The following ROBO1 variants were observed in gnomAD, a reference collection of about 807,000 sequenced individuals.
ROBO1 encodes roundabout homolog 1.
A neutral mutation model predicts 195.9 loss-of-function variants in ROBO1; 149 were observed. That is an observed-to-expected ratio of 0.76 (90% CI 0.67 to 0.87). The LOEUF is 0.87. Among genes scored for constraint, ROBO1 ranks in the 40% least tolerant of loss-of-function variants. The pLI is 0.00. For synonymous variants in ROBO1, 816 were observed against 733.2 expected (o/e 1.11, Z -1.82); for missense variants, 1,933 against 2,068.3 (o/e 0.93, Z 1.27).
At chr3:79,393,491 A>G (rs947832003) in intron 2 of ROBO1, among the ~76,000 whole-genome samples, 10 of 152,202 alleles carry the variant, frequency 6.6e-5, no homozygotes, top group African/African-American at 2.4e-4. Context: ...GATCTTGGAA[A>G]AGTTGTTCAA....
chr3:79,082,913 G>A (rs2079300991), intron 3 of ROBO1, among the ~76,000 whole-genome samples: 1 of 152,170 alleles, frequency 6.6e-6, no homozygotes, highest in Admixed American at 6.5e-5. Context: ...GAACGAAACT[G>A]TCCTTATCTC....
chr3:78,708,941 T>C (rs760834697), intron 8 of ROBO1, among the ~76,000 whole-genome samples: 49 of 152,064 alleles, frequency 3.2e-4, no homozygotes, highest in Non-Finnish European at 5.1e-4. Context: ...ATGTAATAAA[T>C]CAAAATAGAG....
Position 78,636,107 on chromosome 3 carries a change from A to C in ROBO1, c.3039T>G (p.Ala1013=). The change falls in exon 23 of 31, where the codon GCT becomes GCG. Residue 1013 remains alanine (A), a splice_region_variant and synonymous_variant. Transcript: ENST00000464233. ...DSNLTTYSRP[A]DCIANYNNQL... ...GGTTGTTATAATTTGCTATACAATC[A>C]GCTATGTGCAATGGAGAGGAAAAGG... The C allele has an allele frequency of 6.2e-7, 1 of 1,602,036 alleles. No individual in the cohort carries two copies. The highest frequency in any genetic ancestry group is 8.5e-7 in the Non-Finnish European group (1 of 1,170,868).
chr3:78,808,754 C>A (rs9872311), intron 4 of ROBO1, among the ~76,000 whole-genome samples: 4,414 of 152,138 alleles, frequency 0.029, 196 homozygotes, highest in African/African-American at 0.1. Context: ...GGAAACGATT[C>A]CCTATATAAT....
At chr3:78,982,478 T>C (rs1219449808) in intron 3 of ROBO1, among the ~76,000 whole-genome samples, 1 of 152,124 alleles carries the variant, frequency 6.6e-6, no homozygotes, top group Admixed American at 6.6e-5. Flanking sequence ...CAAACACACA[T>C]ACATCCCACC....
At chr3:79,649,736 T>C (rs947348339) in intron 1 of ROBO1, among the ~76,000 whole-genome samples, 8 of 152,070 alleles carry the variant, frequency 5.3e-5, no homozygotes, top group Non-Finnish European at 1.2e-4. Flanking sequence ...CCTATGAGTC[T>C]GACTAGACTA....
chr3:78,602,066 G>GTGTA (rs1553678534), intron 29 of ROBO1, among the ~76,000 whole-genome samples: 1 of 104,878 alleles, frequency 9.5e-6, no homozygotes, highest in African/African-American at 3.3e-5. Flanking sequence ...GTGTGTGTGT[G>GTGTA]TATATATATA....
intron 3 of ROBO1, among the ~76,000 whole-genome samples, chr3:79,017,583 A>G (rs2077981521): frequency 6.6e-6 from 1 of 152,082 alleles, no homozygotes; most frequent in Non-Finnish European, 1.5e-5. Context: ...GTTCACCCAC[A>G]GTAAAAAAGT....
At chr3:79,733,265 C>T (rs1364126716) in intron 1 of ROBO1, among the ~76,000 whole-genome samples, 1 of 152,182 alleles carries the variant, frequency 6.6e-6, no homozygotes, top group Non-Finnish European at 1.5e-5. Flanking sequence ...TTCTATATTT[C>T]CCATTAACCA....
intron 3 of ROBO1, among the ~76,000 whole-genome samples, chr3:79,067,636 A>T (rs1576635098): frequency 8.4e-5 from 1 of 11,948 alleles, no homozygotes; most frequent in South Asian, 0.083. Flanking sequence ...TTTGTTTTCA[A>T]CTTGTTTCAG....
intron 1 of ROBO1, among the ~76,000 whole-genome samples, chr3:79,670,798 C>T (rs894983972): frequency 1.3e-5 from 2 of 151,826 alleles, no homozygotes; most frequent in African/African-American, 4.8e-5. Context: ...GATAAACAGG[C>T]TCTGCTAATG....
intron 2 of ROBO1, among the ~76,000 whole-genome samples, chr3:79,168,313 C>T (rs2081106568): frequency 6.6e-6 from 1 of 152,110 alleles, no homozygotes; most frequent in Non-Finnish European, 1.5e-5. Context: ...TAAATAAATA[C>T]TGTTTCTTCC....
intron 3 of ROBO1, among the ~76,000 whole-genome samples, chr3:79,052,586 G>T (rs2078722378): frequency 6.6e-6 from 1 of 152,044 alleles, no homozygotes; most frequent in African/African-American, 2.4e-5. Flanking sequence ...GCAGCTCAGG[G>T]GGAATCACAG....
At chr3:79,188,874 G>A (rs2081489135) in intron 2 of ROBO1, among the ~76,000 whole-genome samples, 1 of 151,706 alleles carries the variant, frequency 6.6e-6, no homozygotes, top group East Asian at 1.9e-4. Flanking sequence ...ATTAGGAGTT[G>A]ATGCCTTTGG....
At chr3:79,518,396 GCTC>G (rs1280543294) in intron 2 of ROBO1, among the ~76,000 whole-genome samples, 1 of 152,082 alleles carries the variant, frequency 6.6e-6, no homozygotes, top group East Asian at 1.9e-4. Context: ...GGCACATGCT[GCTC>G]CTACCAGCCT....
chr3:78,707,589 G>C (rs913246329), intron 8 of ROBO1, among the ~76,000 whole-genome samples: 13 of 152,154 alleles, frequency 8.5e-5, no homozygotes, highest in Non-Finnish European at 1.5e-4. Flanking sequence ...AGAGACTAGA[G>C]TGACTTCACA....
At chr3:79,137,773 T>C (rs2108603430) in intron 2 of ROBO1, among the ~76,000 whole-genome samples, 1 of 152,170 alleles carries the variant, frequency 6.6e-6, no homozygotes, top group East Asian at 1.9e-4. Context: ...ACTCCACTTT[T>C]CACTACACAC....
chr3:79,488,728 A>G (rs1015989929), intron 2 of ROBO1, among the ~76,000 whole-genome samples: 1 of 152,196 alleles, frequency 6.6e-6, no homozygotes, highest in Non-Finnish European at 1.5e-5. Context: ...TGGTTATATG[A>G]GTCTAATGGA....
intron 2 of ROBO1, among the ~76,000 whole-genome samples, chr3:79,277,946 C>T (rs917945040): frequency 6.6e-6 from 1 of 151,694 alleles, no homozygotes; most frequent in South Asian, 2.1e-4. Context: ...ACCAAAAATC[C>T]CTTGGAACTG....
Sources: allele counts gnomAD v4.1 joint callset (sites outside exome capture counted in the v4.1 genomes callset), GRCh38; gene constraint gnomAD v4.1.1; transcripts MANE v1.5; gene names NCBI Gene and HGNC (gene_info 2026-07-23, HGNC 2026-07-21).